MTUS1: variants seen among roughly 807,000 people sequenced by gnomAD.
The protein encoded by MTUS1 is microtubule associated scaffold protein 1.
Under a neutral mutation model 120.8 loss-of-function variants are expected in MTUS1, and 109 were observed. The ratio of observed to expected loss-of-function variants is 0.90; its 90% CI spans 0.77 to 1.06. MTUS1 has a LOEUF of 1.06. Among genes scored for constraint, MTUS1 ranks in the 50% least tolerant of loss-of-function variants. MTUS1 has a pLI of 0.00. For missense variants in MTUS1, 2,210 were observed against 1,486.3 expected (o/e 1.49, Z -8.01); for synonymous variants, 737 against 550.5 (o/e 1.34, Z -4.74).
At chr8:17,674,800 T>C in intron 8 of MTUS1, 1 of 1,027,832 alleles carries the variant, frequency 9.7e-7, no homozygotes, top group African/African-American at 1.7e-5. Context: ...CCCTTGGAAG[T>C]ACAACGGATT....
chr8:17,722,180 A>G, intron 4 of MTUS1: 1 of 1,074,042 alleles, frequency 9.3e-7, no homozygotes, highest in South Asian at 3.9e-5. Flanking sequence ...GGAATGGACA[A>G]AAGCACTTTA....
chr8:17,687,147 A>G (rs1007812472), intron 6 of MTUS1, among the ~76,000 whole-genome samples: 2 of 152,150 alleles, frequency 1.3e-5, no homozygotes, highest in Admixed American at 1.3e-4. Context: ...TTCAAATTTT[A>G]AAATGAGAGC....
At chr8:17,757,948 G>A (rs1053404181) in intron 1 of MTUS1, among the ~76,000 whole-genome samples, 4 of 152,160 alleles carry the variant, frequency 2.6e-5, no homozygotes, top group Non-Finnish European at 4.4e-5. Context: ...TGAGGGCTGT[G>A]TGATTTATAT....
Position 17,645,712 on chromosome 8 carries a change from T to C in MTUS1, c.*214A>G. 1 of 549,836 alleles carries C rather than the reference T, an allele frequency of 1.8e-6. No individual in the cohort carries two copies. The highest frequency in any genetic ancestry group is 3.0e-6 in the Non-Finnish European group (1 of 337,154). 34.1% of individuals were successfully genotyped at this position (549,836 alleles called of 1,614,324 possible). On this transcript the variant is annotated 3_prime_UTR_variant, in exon 15 of 15. Transcript: ENST00000693296. ...GTCGATGCCGAAATCTTTTTTTAAA[T>C]CTTTTTTTGGAGGAATCTTTTGGAC... is the stretch of plus-strand genomic sequence containing the variant.
intron 1 of MTUS1, among the ~76,000 whole-genome samples, chr8:17,788,630 C>T (rs1302074686): frequency 6.6e-6 from 1 of 152,128 alleles, no homozygotes; most frequent in Non-Finnish European, 1.5e-5. Flanking sequence ...CTAACTCAGC[C>T]GACTTCTGAG....
chr8:17,777,675 G>A (rs567286590), intron 1 of MTUS1, among the ~76,000 whole-genome samples: 1 of 152,168 alleles, frequency 6.6e-6, no homozygotes, highest in Non-Finnish European at 1.5e-5. Context: ...CAGACACTAA[G>A]TTCTTAGAAG....
Position 17,749,112 on chromosome 8 carries a change from C to T in MTUS1, c.2091+4605G>A, listed in dbSNP as rs564477371. 1.0e-3 allele frequency among the ~76,000 whole-genome samples: 152 copies of T among 152,230 alleles called. 2 individuals are homozygous for T. Among genetic ancestry groups the T allele is most frequent in the African/African-American group, 3.5e-3 (145 of 41,516 alleles). Reference sequence around the variant, plus strand: ...GATATGAAAGGAAGGGGGAGTCAGACATAATTATACTCTCCGAAGGGTTGG... The same window carrying T: ...GATATGAAAGGAAGGGGGAGTCAGATATAATTATACTCTCCGAAGGGTTGG... On this transcript the variant is annotated intron_variant, in intron 2 of 14. Coordinates refer to ENST00000693296, the MANE Select transcript of MTUS1 (RefSeq NM_001363059.2).
intron 1 of MTUS1, among the ~76,000 whole-genome samples, chr8:17,759,829 A>C (rs2048899854): frequency 6.6e-6 from 1 of 151,750 alleles, no homozygotes; most frequent in Non-Finnish European, 1.5e-5. Flanking sequence ...AGTGGTTTAC[A>C]AGAGTAACAG....
At chr8:17,654,425 A>C (rs1807744598) in intron 10 of MTUS1, 136 bp downstream of exon 10, 1 of 639,030 alleles carries the variant, frequency 1.6e-6, no homozygotes, top group South Asian at 2.0e-5. Flanking sequence ...CCACGCAAAA[A>C]GGAACCAAGA....
At chr8:17,666,834 G>C (rs1242075418) in intron 8 of MTUS1, among the ~76,000 whole-genome samples, 1 of 152,086 alleles carries the variant, frequency 6.6e-6, no homozygotes, top group Non-Finnish European at 1.5e-5. Context: ...AGCCCAAAGA[G>C]GGGTTAGTAG....
chr8:17,745,956 T>C (rs564222940), intron 2 of MTUS1, among the ~76,000 whole-genome samples: 18 of 152,300 alleles, frequency 1.2e-4, no homozygotes, highest in African/African-American at 4.3e-4. Flanking sequence ...AGTGAGTTCT[T>C]ACAAGATCTG....
intron 1 of MTUS1, among the ~76,000 whole-genome samples, chr8:17,779,361 G>A (rs1249544436): frequency 6.6e-6 from 1 of 152,184 alleles, no homozygotes; most frequent in South Asian, 2.1e-4. Flanking sequence ...GGACCATCAA[G>A]GAGTACGTTC....
chr8:17,761,894 A>C (rs1335257968), intron 1 of MTUS1, among the ~76,000 whole-genome samples: 1 of 152,250 alleles, frequency 6.6e-6, no homozygotes, highest in East Asian at 1.9e-4. Context: ...TAAGCTTTAA[A>C]ACCCAAAATA....
At chr8:17,763,210 T>C (rs1160983503) in intron 1 of MTUS1, among the ~76,000 whole-genome samples, 3 of 151,298 alleles carry the variant, frequency 2.0e-5, no homozygotes, top group African/African-American at 7.3e-5. Context: ...CAGGCTGGTC[T>C]TGAACTCCTG....
chr8:17,725,381 T>C lies in MTUS1; in HGVS notation c.2288-1548A>G, dbSNP rs141666911. On this transcript the variant is annotated intron_variant, in intron 3 of 14. Coordinates refer to ENST00000693296, the MANE Select transcript of MTUS1 (RefSeq NM_001363059.2). ...TTGAAATTACCACATTAAGCTCCCC[T>C]CCTTCGGCTCCAGCCTCACTCTTGT... Among the ~76,000 whole-genome samples, 504 of 152,262 alleles carry C rather than the reference T, an allele frequency of 3.3e-3. 1 individual carries two copies. Among genetic ancestry groups the C allele is most frequent in the African/African-American group, 0.012 (488 of 41,560 alleles).
rs755655227 is a variant in MTUS1 at position 17,754,801 on chromosome 8, T to G, written c.1007A>C (p.Asn336Thr). The part of the protein sequence containing the change: ...SSYRHKEMGQ[N>T]LRETVSYCLI... ...ACAATAGGACACTGTCTCTCTCAGA[T>G]TTTGGCCCATTTCCTTGTGCCTGTA... The change falls in exon 2 of 15, where the codon AAT (asparagine) becomes ACT (threonine). Residue 336 changes from asparagine (N) to threonine (T), a missense_variant. Physicochemically the swap from Asn to Thr is moderately conservative, Grantham distance 65 (BLOSUM62 0). Coordinates refer to ENST00000693296, the MANE Select transcript of MTUS1 (RefSeq NM_001363059.2). 1 of 1,614,108 alleles carries G rather than the reference T, an allele frequency of 6.2e-7. No individual in the cohort carries two copies. Among genetic ancestry groups the G allele is most frequent in the African/African-American group, 1.3e-5 (1 of 74,948 alleles).
Position 17,644,515 on chromosome 8 carries a change from G to C in MTUS1, c.*1411C>G, listed in dbSNP as rs180862376. 2.0e-5 allele frequency: 3 copies of C among 152,530 alleles called. No homozygotes were observed. The East Asian group carries it at 5.8e-4, about 29-fold the overall frequency. 9.4% of individuals were successfully genotyped at this position (152,530 alleles called of 1,614,324 possible). On this transcript the variant is annotated 3_prime_UTR_variant, in exon 15 of 15. Coordinates refer to ENST00000693296, the MANE Select transcript of MTUS1 (RefSeq NM_001363059.2). Reference sequence around the variant, plus strand: ...GGATTAGGGGAGGTAATAAGTTTTGGAAAGAAACTGAAATGCAACCTGGAG... The same window carrying C: ...GGATTAGGGGAGGTAATAAGTTTTGCAAAGAAACTGAAATGCAACCTGGAG...
chr8:17,674,735 A>C (rs2269695), intron 8 of MTUS1: 22 of 993,476 alleles, frequency 2.2e-5, no homozygotes, highest in Non-Finnish European at 2.4e-5. Flanking sequence ...TTTTCAGCCA[A>C]GTTGCCTTCA....
chr8:17,738,266 T>C (rs1397054953), intron 3 of MTUS1, among the ~76,000 whole-genome samples: 1 of 152,184 alleles, frequency 6.6e-6, no homozygotes, highest in Non-Finnish European at 1.5e-5. Context: ...CACCATTCTT[T>C]GTGCCGCTTT....
Sources: gnomAD v4.1 joint callset for allele counts (sites outside exome capture counted in the v4.1 genomes callset) on GRCh38, gnomAD v4.1.1 for gene constraint, MANE v1.5 for transcripts, NCBI Gene and HGNC (gene_info 2026-07-23, HGNC 2026-07-21) for gene names.